Variants in NLGN1 observed in about 807,000 individuals in gnomAD.
NLGN1 encodes the protein neuroligin-1.
Under a neutral mutation model 65.5 loss-of-function variants are expected in NLGN1, and 12 were observed. The ratio of observed to expected loss-of-function variants is 0.18; its 90% confidence interval spans 0.12 to 0.30. The LOEUF (loss-of-function observed/expected upper bound fraction) is 0.30, where lower values mean the gene tolerates loss of function less well. Among genes scored for constraint, NLGN1 ranks in the 10% least tolerant of loss-of-function variants. The probability of loss-of-function intolerance (pLI) is 1.00; values close to 1 mark genes in which losing one functional copy is unlikely to be tolerated. For missense variants in NLGN1, 750 were observed against 1,007.1 expected (o/e 0.74, Z 3.46); for synonymous variants, 350 against 359.5 (o/e 0.97, Z 0.30).
intron 4 of NLGN1, among the ~76,000 whole-genome samples, chr3:174,066,617 G>A (rs923202723): frequency 7.2e-5 from 10 of 139,556 alleles, no homozygotes; most frequent in African/African-American, 2.1e-4. Context: ...TTGGTTTTAG[G>A]TTATAGATAG....
chr3:174,215,808 G>T (rs1350678952), intron 4 of NLGN1, among the ~76,000 whole-genome samples: 1 of 152,092 alleles, frequency 6.6e-6, no homozygotes, highest in Admixed American at 6.5e-5. Flanking sequence ...GACAGTAAGA[G>T]AAAACTATTT....
intron 4 of NLGN1, among the ~76,000 whole-genome samples, chr3:173,965,399 G>C (rs1714606841): frequency 6.6e-6 from 1 of 151,540 alleles, no homozygotes; most frequent in African/African-American, 2.4e-5. Context: ...CTCACTGCAG[G>C]CTCCACCTCC....
intron 4 of NLGN1, among the ~76,000 whole-genome samples, chr3:174,269,157 AT>A (rs555799157): frequency 5.3e-5 from 8 of 151,820 alleles, no homozygotes; most frequent in Non-Finnish European, 8.8e-5. Context: ...AATTTGGAGA[AT>A]TTTTTTATTA....
chr3:174,050,101 A>G (rs2152501678), intron 4 of NLGN1, among the ~76,000 whole-genome samples: 1 of 152,278 alleles, frequency 6.6e-6, no homozygotes, highest in South Asian at 2.1e-4. Flanking sequence ...ACAGTTAGGT[A>G]TGTAGATGTA....
chr3:173,862,966 A>G (rs1222464360), intron 4 of NLGN1, among the ~76,000 whole-genome samples: 2 of 152,194 alleles, frequency 1.3e-5, no homozygotes, highest in African/African-American at 4.8e-5. Flanking sequence ...GTAGTGAGTT[A>G]ATGAATGTCA....
chr3:174,199,517 C>T (rs2152772646), intron 4 of NLGN1, among the ~76,000 whole-genome samples: 1 of 151,814 alleles, frequency 6.6e-6, no homozygotes, highest in African/African-American at 2.4e-5. Context: ...TGGAAGAGTT[C>T]ACCTAGAGCT....
At chr3:173,417,116 C>G (rs528642712) in intron 1 of NLGN1, among the ~76,000 whole-genome samples, 1 of 151,944 alleles carries the variant, frequency 6.6e-6, no homozygotes, top group East Asian at 1.9e-4. Flanking sequence ...AAATGATCTA[C>G]CTTTTTTGTA....
chr3:173,831,916 A>G (rs973107097), intron 4 of NLGN1, among the ~76,000 whole-genome samples: 7 of 151,782 alleles, frequency 4.6e-5, no homozygotes, highest in Middle Eastern at 6.8e-3. Context: ...GGCTATCTTT[A>G]TAATTATTAT....
At chr3:173,475,186 G>T (rs1725985582) in intron 2 of NLGN1, among the ~76,000 whole-genome samples, 1 of 152,046 alleles carries the variant, frequency 6.6e-6, no homozygotes, top group South Asian at 2.1e-4. Flanking sequence ...ACTAAAGTTT[G>T]TGAAATATAT....
intron 3 of NLGN1, among the ~76,000 whole-genome samples, chr3:173,635,654 G>C (rs893442278): frequency 1.3e-5 from 2 of 151,988 alleles, no homozygotes; most frequent in East Asian, 1.9e-4. Flanking sequence ...TTCTTTCTTT[G>C]TTTGGGTGCT....
chr3:173,560,523 G>T (rs1742546352), intron 2 of NLGN1, among the ~76,000 whole-genome samples: 1 of 102,678 alleles, frequency 9.7e-6, no homozygotes, highest in African/African-American at 4.4e-5. Context: ...TCAACAGAAT[G>T]ATTTTTTTTT....
At chr3:173,763,957 A>G (rs1176238311) in intron 3 of NLGN1, among the ~76,000 whole-genome samples, 1 of 152,180 alleles carries the variant, frequency 6.6e-6, no homozygotes, top group Non-Finnish European at 1.5e-5. Flanking sequence ...CATTTTCCAT[A>G]AAATCTGTAC....
At chr3:173,519,540 A>T (rs893436440) in intron 2 of NLGN1, among the ~76,000 whole-genome samples, 20 of 152,242 alleles carry the variant, frequency 1.3e-4, no homozygotes, top group Admixed American at 1.2e-3. Flanking sequence ...GATGTGGGAC[A>T]TGGAGACAAA....
At chr3:173,736,612 G>A (rs1179637793) in intron 3 of NLGN1, among the ~76,000 whole-genome samples, 1 of 151,762 alleles carries the variant, frequency 6.6e-6, no homozygotes, top group African/African-American at 2.4e-5. Flanking sequence ...TAGAAGGGAG[G>A]CTTGGAGAGG....
chr3:173,979,048 A>G (rs1168335391), intron 4 of NLGN1, among the ~76,000 whole-genome samples: 1 of 151,858 alleles, frequency 6.6e-6, no homozygotes, highest in Non-Finnish European at 1.5e-5. Context: ...TATCTATTTT[A>G]ATGAGCAACT....
chr3:174,088,757 AAAATAAAT>A (rs71162375), intron 4 of NLGN1, among the ~76,000 whole-genome samples: 9,334 of 141,234 alleles, frequency 0.066, 358 homozygotes, highest in Non-Finnish European at 0.074. Context: ...CATCTCAATA[AAAATAAAT>A]AAATAAATAA....
At chr3:174,141,629 T>A (rs1201260014) in intron 4 of NLGN1, among the ~76,000 whole-genome samples, 1 of 152,194 alleles carries the variant, frequency 6.6e-6, no homozygotes, top group South Asian at 2.1e-4. Flanking sequence ...GGTGGTTCAT[T>A]AAGTCAACAA....
At chr3:173,577,580 G>A (rs1245510594) in intron 2 of NLGN1, among the ~76,000 whole-genome samples, 1 of 152,170 alleles carries the variant, frequency 6.6e-6, no homozygotes, top group Non-Finnish European at 1.5e-5. Context: ...CACAAGAAAA[G>A]GCTGAGAGTC....
chr3:173,747,801 C>CTTTTTTTT lies in NLGN1; in HGVS notation c.494-59856_494-59849dup, dbSNP rs749749824. Among the ~76,000 whole-genome samples the CTTTTTTTT allele has an allele frequency of 7.2e-3, 465 of 64,392 alleles. 93 individuals carry two copies. The highest frequency in any genetic ancestry group is 0.018 in the African/African-American group (296 of 16,090). The allele number at this position is 64,392 out of a possible 152,430, so 42.2% of individuals were successfully genotyped here. A position where few individuals can be genotyped will look rare whatever the true frequency, so the allele number is the denominator to read the frequency against. On this transcript the variant is annotated intron_variant, in intron 3 of 6. Coordinates refer to ENST00000457714, the Ensembl canonical transcript of NLGN1. ...AATTTTCTTTCTTCTTCTTCTTGTT[C>CTTTTTTTT]TTTTTTTTTTTTTTTTTTTTTTTTT...
Sources: gnomAD v4.1 joint callset for allele counts (sites outside exome capture counted in the v4.1 genomes callset) on GRCh38, gnomAD v4.1.1 for gene constraint, MANE v1.5 for transcripts, NCBI Gene and HGNC (gene_info 2026-07-23, HGNC 2026-07-21) for gene names.